Variants in APLP2 observed in about 807,000 individuals in gnomAD.
APLP2 encodes CDEI box-binding protein.
In APLP2, 53 loss-of-function variants were observed where a neutral mutation model predicts 89.9. The ratio of observed to expected loss-of-function variants is 0.59; its 90% confidence interval spans 0.47 to 0.74. The LOEUF is 0.74. Ranked by LOEUF, APLP2 falls within the 30% of genes least tolerant of loss-of-function variation. The pLI is 0.00. For missense variants in APLP2, 973 were observed against 975.9 expected, an observed-to-expected ratio of 1.00 and a Z score of 0.04; for synonymous variants, 372 against 348.6, an observed-to-expected ratio of 1.07 and a Z score of -0.75.
In APLP2 at chr11:130,123,700, C is replaced by G. The variant is rs754779373; in HGVS notation, c.1011C>G (p.Arg337=). The change falls in exon 7 of 17, where the codon CGC becomes CGG. Residue 337 remains arginine (R), a synonymous_variant. Coordinates refer to ENST00000338167, the MANE Select transcript of APLP2 (RefSeq NM_001142276.2). This position sits in a 1 kb window ranked among gnomAD's most constrained non-coding sequence, Gnocchi z 4.0. ...ACCTCTCCAAGGGAAAGTGCGTGCG[C>G]TTTATATATGGTGGCTGCGGCGGCA... ...YFDLSKGKCV[R]FIYGGCGGNR... The G allele has an allele frequency of 1.2e-5, 20 of 1,614,172 alleles. No homozygotes were observed. In the South Asian group the frequency reaches 2.2e-4, roughly 18 times the overall value.
At chr11:130,126,956 G>C in intron 8 of APLP2, 126 bp downstream of exon 8, 1 of 1,315,632 alleles carries the variant, frequency 7.6e-7, no homozygotes, top group Non-Finnish European at 1.1e-6. Flanking sequence ...GGTGAGTCAG[G>C]AGAGAGTTAC....
chr11:130,123,840 C>T lies in APLP2; in HGVS notation c.1090+61C>T. 6.4e-7 allele frequency: 1 copy of T among 1,573,668 alleles called. No individual in the cohort carries two copies. Among genetic ancestry groups the T allele is most frequent in the South Asian group, 1.2e-5 (1 of 85,772 alleles). Reference sequence around the variant, plus strand: ...ACCGTCCTGTCTGGCGTCCGTCTCCCTGCCGTCTTCGTGGCTGCATCTGTG... The same window carrying T: ...ACCGTCCTGTCTGGCGTCCGTCTCCTTGCCGTCTTCGTGGCTGCATCTGTG... On this transcript the variant is annotated intron_variant, in intron 7 of 16. Coordinates refer to ENST00000338167, the MANE Select transcript of APLP2 (RefSeq NM_001142276.2). This position sits in a 1 kb window ranked among gnomAD's most constrained non-coding sequence, Gnocchi z 4.0.
At chr11:130,133,518 T>C (rs1048929215) in intron 11 of APLP2, 111 bp from the exon 12 acceptor site, 14 of 739,124 alleles carry the variant, frequency 1.9e-5, no homozygotes, top group Middle Eastern at 4.7e-4. Flanking sequence ...GTAGAGAATA[T>C]GCTTTGTAAA....
Position 130,140,408 on chromosome 11 carries a change from G to A in APLP2, c.1848G>A (p.Val616=), listed in dbSNP as rs1200159261. ...PALPENEGSG[V]GEQDGGLIGA... ...TCTCTCTCCACACAGGATCTGGAGT[G>A]GGAGAGCAGGATGGGGGACTGATCG... The change falls in exon 14 of 17, where the codon GTG becomes GTA. Residue 616 remains valine, a synonymous_variant. Coordinates refer to ENST00000338167, the MANE Select transcript of APLP2 (RefSeq NM_001142276.2). The A allele has an allele frequency of 1.2e-6, 2 of 1,608,532 alleles. No individual in the cohort carries two copies. Among genetic ancestry groups the A allele is most frequent in the Non-Finnish European group, 1.7e-6 (2 of 1,177,690 alleles).
chr11:130,070,842 G>A lies in APLP2; in HGVS notation c.105+760G>A, dbSNP rs549838593. The A allele has an allele frequency of 3.6e-4, 396 of 1,096,960 alleles. 3 individuals carry two copies. The South Asian group carries it at 0.011, about 31-fold the overall frequency. 68.0% of individuals were successfully genotyped at this position (1,096,960 alleles called of 1,614,324 possible). A position where few individuals can be genotyped will look rare whatever the true frequency, so the allele number is the denominator to read the frequency against. On this transcript the variant is annotated intron_variant, in intron 1 of 16. Coordinates refer to ENST00000338167, the MANE Select transcript of APLP2 (RefSeq NM_001142276.2). Reference sequence around the variant, plus strand: ...GAAAAATCGTCCTCTTCGGGTGTCAGAATTCCATCAGTGGTTGTGCTTCGA... The same window carrying A: ...GAAAAATCGTCCTCTTCGGGTGTCAAAATTCCATCAGTGGTTGTGCTTCGA...
chr11:130,123,758 A>T lies in APLP2; in HGVS notation c.1069A>T (p.Met357Leu), dbSNP rs577335648. 1 of 1,614,218 alleles carries T rather than the reference A, an allele frequency of 6.2e-7. No individual in the cohort carries two copies. Among genetic ancestry groups the T allele is most frequent in the Admixed American group, 1.7e-5 (1 of 60,028 alleles). ...RNNFESEDYC[M>L]AVCKAMIPPT... ...CAATTTTGAGTCTGAGGATTATTGT[A>T]TGGCTGTGTGTAAAGCGATGAGTAA... The change falls in exon 7 of 17, where the codon ATG becomes TTG. Residue 357 changes from methionine (M) to leucine (L), a missense_variant. By Grantham distance (15) the Met-to-Leu change is conservative. Transcript: ENST00000338167. The surrounding 1 kb of genome is among the most constrained non-coding windows in gnomAD (Gnocchi z 4.0).
chr11:130,121,730 T>A lies in APLP2; in HGVS notation c.633T>A (p.Ser211=). 1 of 1,613,972 alleles carries A rather than the reference T, an allele frequency of 6.2e-7. No individual in the cohort carries two copies. Among genetic ancestry groups the A allele is most frequent in the Non-Finnish European group, 8.5e-7 (1 of 1,180,022 alleles). ...VCCPQTKIIG[S]VSKEEEEEDE... is the part of the protein sequence containing the mutation. ...GCCCTCAGACAAAGATTATTGGATC[T>A]GTGTCAAAAGAAGAGGAAGAGGAAG... The change falls in exon 5 of 17, where the codon TCT becomes TCA. Residue 211 remains serine, a synonymous_variant. Coordinates refer to ENST00000338167, the MANE Select transcript of APLP2 (RefSeq NM_001142276.2).
At chr11:130,137,054 A>G (rs1292851931) in intron 13 of APLP2, among the ~76,000 whole-genome samples, 1 of 152,148 alleles carries the variant, frequency 6.6e-6, no homozygotes, top group Non-Finnish European at 1.5e-5. Flanking sequence ...TCTCTTATCA[A>G]GGATACCCTC....
At chr11:130,077,928 T>C (rs977808366) in intron 1 of APLP2, among the ~76,000 whole-genome samples, 1 of 152,180 alleles carries the variant, frequency 6.6e-6, no homozygotes, top group Non-Finnish European at 1.5e-5. Flanking sequence ...TTGAGTATTT[T>C]TGAGCTTTTC....
chr11:130,084,679 C>A (rs1943820378), intron 1 of APLP2, among the ~76,000 whole-genome samples: 1 of 151,646 alleles, frequency 6.6e-6, no homozygotes, highest in South Asian at 2.1e-4. Flanking sequence ...GCAGCAAAAG[C>A]ACCACTGAGA....
At position 130,137,987 on chromosome 11, in the gene APLP2, TGAA is replaced by T. The variant is rs890082894; in HGVS notation, c.1837+2277_1837+2279del. Among the ~76,000 whole-genome samples the T allele has an allele frequency of 1.7e-4, 26 of 152,322 alleles. 1 individual carries two copies. Among genetic ancestry groups the T allele is most frequent in the Admixed American group, 1.4e-3 (22 of 15,308 alleles). On this transcript the variant is annotated intron_variant, in intron 13 of 16. Transcript: ENST00000338167. Reference sequence around the variant, plus strand: ...AGCTCTATTTTCTAGATTAGACAATTGAAGAAGTTTCTGAGATGACGTGACTTG... The same window carrying T: ...AGCTCTATTTTCTAGATTAGACAATTGAAGTTTCTGAGATGACGTGACTTG...
chr11:130,090,470 C>T (rs959197563), intron 1 of APLP2, among the ~76,000 whole-genome samples: 37 of 151,068 alleles, frequency 2.4e-4, no homozygotes, highest in African/African-American at 8.8e-4. Context: ...TGACTCTTAA[C>T]GAGCATGCTG....
At chr11:130,127,965 T>G (rs942344815) in intron 9 of APLP2, 125 bp downstream of exon 9, 13 of 770,736 alleles carry the variant, frequency 1.7e-5, no homozygotes, top group Non-Finnish European at 2.5e-5. Flanking sequence ...ACAAGGAAGT[T>G]GTAACTGGCC....
At chr11:130,122,632 T>C in intron 6 of APLP2, 119 bp downstream of exon 6, 1 of 1,498,606 alleles carries the variant, frequency 6.7e-7, no homozygotes, top group Non-Finnish European at 8.9e-7. Flanking sequence ...ACCTCTGCAC[T>C]GAAGGTGAGT....
chr11:130,122,727 T>C (rs1949960996), intron 6 of APLP2, among the ~76,000 whole-genome samples: 1 of 152,108 alleles, frequency 6.6e-6, no homozygotes, highest in African/African-American at 2.4e-5. Flanking sequence ...TAGGATTGAA[T>C]TAGAGAACGG....
rs779691092 is a variant in APLP2, at chr11:130,123,652, C to T, written c.963C>T (p.Ala321=). The change falls in exon 7 of 17, where the codon GCC becomes GCT. Residue 321 remains alanine, a synonymous_variant. Coordinates refer to ENST00000338167, the MANE Select transcript of APLP2 (RefSeq NM_001142276.2). This position sits in a 1 kb window ranked among gnomAD's most constrained non-coding sequence, Gnocchi z 4.0. ...SQEAMTGPCR[A]VMPRWYFDLS... Reference sequence around the variant, plus strand: ...AGGCGATGACGGGGCCCTGCCGGGCCGTGATGCCTCGTTGGTACTTCGACC... The same window carrying T: ...AGGCGATGACGGGGCCCTGCCGGGCTGTGATGCCTCGTTGGTACTTCGACC... 1.8e-5 allele frequency: 29 copies of T among 1,614,106 alleles called. No homozygotes were observed. Among genetic ancestry groups the T allele is most frequent in the Middle Eastern group, 1.6e-4 (1 of 6,084 alleles).
chr11:130,072,806 AAT>A (rs772619544), intron 1 of APLP2, among the ~76,000 whole-genome samples: 20 of 152,140 alleles, frequency 1.3e-4, no homozygotes, highest in South Asian at 4.1e-4. Flanking sequence ...ATGTTTTAAA[AAT>A]CTTTTGATAA....
Position 130,143,774 on chromosome 11 carries a change from A to T in APLP2, c.*326A>T, listed in dbSNP as rs1474361878. The T allele has an allele frequency of 4.4e-6, 1 of 225,010 alleles. No homozygotes were observed. Among genetic ancestry groups the T allele is most frequent in the Non-Finnish European group, 8.9e-6 (1 of 111,900 alleles). 13.9% of individuals were successfully genotyped at this position (225,010 alleles called of 1,614,324 possible). On this transcript the variant is annotated 3_prime_UTR_variant, in exon 17 of 17. Transcript: ENST00000338167. The stretch of plus-strand genomic sequence containing the variant: ...TGTCTGACACATGCTCTCAATATAT[A>T]ATAAATGGGAAATGTCGATTTTCAA...
chr11:130,135,763 A>T (rs1382597519), intron 13 of APLP2, 48 bp downstream of exon 13: 1 of 1,600,864 alleles, frequency 6.2e-7, no homozygotes, highest in East Asian at 2.2e-5. Context: ...GGGAGGACAA[A>T]ATGAGAGAAT....
Sources: gnomAD v4.1 joint callset for allele counts (sites outside exome capture counted in the v4.1 genomes callset) on GRCh38, gnomAD v4.1.1 for gene constraint, Gnocchi (gnomAD v3.1) non-coding constraint, MANE v1.5 for transcripts, NCBI Gene and HGNC (gene_info 2026-07-23, HGNC 2026-07-21) for gene names.